Variants in ZNF695 observed in about 807,000 individuals in gnomAD.
ZNF695 encodes zinc finger protein 695, also known as zinc finger protein SBZF3.
ZNF695 carries 11 observed loss-of-function variants against 11.2 expected under a neutral mutation model. The observed-to-expected ratio is 0.98, with a 90% CI of 0.62 to 1.62. The LOEUF is 1.62. ZNF695 is among the 40% of genes most tolerant of loss of function. The probability of loss-of-function intolerance (pLI) is 0.00; values close to 1 mark genes in which losing one functional copy is unlikely to be tolerated. For missense variants in ZNF695, 559 were observed against 590.5 expected (o/e 0.95, Z 0.55); for synonymous variants, 190 against 201.4 (o/e 0.94, Z 0.48).
At chr1:246,945,811 T>A in exon 6 of ZNF695, 1 of 1,550,146 alleles carries the variant, frequency 6.5e-7, no homozygotes, top group Non-Finnish European at 8.7e-7. Context: ...AGCAGCTCGA[T>A]GGTCGACGAC....
chr1:246,978,102 T>C (rs940595945), intron 4 of ZNF695, among the ~76,000 whole-genome samples: 10 of 152,350 alleles, frequency 6.6e-5, no homozygotes, highest in Admixed American at 2.0e-4. Context: ...AACATTTCTC[T>C]GTAGCAGAAC....
chr1:246,956,682 A>G (rs1189031809), intron 5 of ZNF695, among the ~76,000 whole-genome samples: 1 of 152,146 alleles, frequency 6.6e-6, no homozygotes, highest in Non-Finnish European at 1.5e-5. Flanking sequence ...ATTCTATGTT[A>G]TTAGATATCA....
intron 5 of ZNF695, among the ~76,000 whole-genome samples, chr1:246,962,692 CTTTCTT>C: frequency 1.3e-5 from 2 of 151,256 alleles, no homozygotes; most frequent in South Asian, 4.2e-4. Context: ...AGCTTGAAAC[CTTTCTT>C]TTTTTTTTTT....
At chr1:247,000,592 C>A (rs1211519211) in intron 1 of ZNF695, among the ~76,000 whole-genome samples, 1 of 152,218 alleles carries the variant, frequency 6.6e-6, no homozygotes, top group East Asian at 1.9e-4. Flanking sequence ...GCTTAAGATC[C>A]ATGAAACCAG....
exon 6 of ZNF695, chr1:246,945,793 G>T (rs1479276886): frequency 6.5e-7 from 1 of 1,550,150 alleles, no homozygotes; most frequent in Non-Finnish European, 8.7e-7. Flanking sequence ...CCTCCGCAGG[G>T]TCTTCAAAGC....
chr1:246,945,686 T>A, exon 6 of ZNF695: 1 of 1,066,050 alleles, frequency 9.4e-7, no homozygotes, highest in Non-Finnish European at 1.4e-6. Flanking sequence ...GTGGGAGGCA[T>A]GTTTTAATTC....
At chr1:246,964,874 CA>C (rs55956626) in intron 5 of ZNF695, among the ~76,000 whole-genome samples, 11 of 150,788 alleles carry the variant, frequency 7.3e-5, no homozygotes, top group Non-Finnish European at 1.6e-4. Context: ...GACTCTGTCT[CA>C]AAAAAAAATT....
chr1:247,003,261 C>T (rs976055743), intron 1 of ZNF695, among the ~76,000 whole-genome samples: 2 of 152,180 alleles, frequency 1.3e-5, no homozygotes, highest in Admixed American at 6.6e-5. Context: ...TACATGAACA[C>T]CAGGGAATGC....
At chr1:246,958,122 G>A (rs1288323769) in intron 5 of ZNF695, among the ~76,000 whole-genome samples, 3 of 151,092 alleles carry the variant, frequency 2.0e-5, no homozygotes, top group South Asian at 2.1e-4. Flanking sequence ...GCAGTGGCGC[G>A]ATCTCGGCTC....
In ZNF695 at chr1:247,000,037, G is replaced by A. The variant is rs1339632195; in HGVS notation, c.41C>T (p.Ser14Phe). 3 of 1,611,870 alleles carry A rather than the reference G, an allele frequency of 1.9e-6. No homozygotes were observed. Among genetic ancestry groups the A allele is most frequent in the Non-Finnish European group, 1.7e-6 (2 of 1,179,496 alleles). ...LAFRDVALEF[S>F]PEEWECLDPA... ...GTCCAGGCATTCCCACTCCTCTGGAGAGAATTCTAGAGCCACATCCCTGAA... is the reference window on the plus strand; with the variant it reads ...GTCCAGGCATTCCCACTCCTCTGGAAAGAATTCTAGAGCCACATCCCTGAA... Residue 14 changes from serine (S) to phenylalanine (F), a missense_variant, in exon 2 of 4, where the codon TCT becomes TTT. Coordinates refer to ENST00000339986, the MANE Select transcript of ZNF695 (RefSeq NM_020394.5).
intron 4 of ZNF695, among the ~76,000 whole-genome samples, chr1:246,972,798 G>C (rs56668948): frequency 1.3e-5 from 2 of 151,922 alleles, no homozygotes; most frequent in Admixed American, 1.3e-4. Context: ...GATTGCAGGC[G>C]TGAGCCACTG....
chr1:247,002,607 G>A (rs755845317), intron 1 of ZNF695, among the ~76,000 whole-genome samples: 1 of 152,262 alleles, frequency 6.6e-6, no homozygotes, highest in Non-Finnish European at 1.5e-5. Context: ...CCAACATGGC[G>A]AAACCCCATC....
At chr1:246,993,674 G>A (rs749923901) in intron 3 of ZNF695, among the ~76,000 whole-genome samples, 1 of 151,920 alleles carries the variant, frequency 6.6e-6, no homozygotes, top group Non-Finnish European at 1.5e-5. Flanking sequence ...CTAAAGAAAT[G>A]GAGATATATA....
rs567244769 is a variant in ZNF695 at position 246,998,718 on chromosome 1, G to A, written c.259+630C>T. 1.9e-3 allele frequency among the ~76,000 whole-genome samples: 285 copies of A among 152,134 alleles called. 1 individual carries two copies. The highest frequency in any genetic ancestry group is 2.4e-3 in the Non-Finnish European group (160 of 67,990). On this transcript the variant is annotated intron_variant, in intron 3 of 3. Coordinates refer to ENST00000339986, the MANE Select transcript of ZNF695 (RefSeq NM_020394.5). ...CGCGGTGGCTCACGCCTGTAATCCC[G>A]GCACTTTGGGAGGCCGAGGCAGGTG...
At chr1:246,964,494 G>C (rs1668238915) in intron 5 of ZNF695, among the ~76,000 whole-genome samples, 1 of 152,218 alleles carries the variant, frequency 6.6e-6, no homozygotes, top group African/African-American at 2.4e-5. Flanking sequence ...GGAAATTAAA[G>C]GGTTTTAGGA....
At chr1:246,962,648 T>G (rs1421038388) in intron 5 of ZNF695, among the ~76,000 whole-genome samples, 1 of 151,852 alleles carries the variant, frequency 6.6e-6, no homozygotes, top group Non-Finnish European at 1.5e-5. Context: ...ATTACTAACA[T>G]CAGATTTCAT....
chr1:246,987,314 T>A lies in ZNF695; in HGVS notation c.1201A>T (p.Ile401Phe), dbSNP rs780316860. 67 of 1,613,834 alleles carry A rather than the reference T, an allele frequency of 4.2e-5. No homozygotes were observed. The Middle Eastern group carries it at 4.9e-4, about 12-fold the overall frequency. Residue 401 changes from isoleucine (I) to phenylalanine (F), a missense_variant, in exon 4 of 4, where the codon ATT becomes TTT. Coordinates refer to ENST00000339986, the MANE Select transcript of ZNF695 (RefSeq NM_020394.5). ...TTGTAGGGTTTCTGCCCAGTATGAA[T>A]TCTCTTATGCTGAATAAGGTATGAG... The part of the protein sequence containing the change: ...WFSYLIQHKR[I>F]HTGQKPYKCE...
At chr1:246,964,285 G>A (rs1572510116) in intron 5 of ZNF695, among the ~76,000 whole-genome samples, 1 of 152,080 alleles carries the variant, frequency 6.6e-6, no homozygotes, top group Admixed American at 6.6e-5. Context: ...GAGCTGAGCT[G>A]AAAGTTCCAA....
chr1:246,980,425 T>C (rs1668677637), downstream of ZNF695, among the ~76,000 whole-genome samples: 1 of 150,994 alleles, frequency 6.6e-6, no homozygotes, highest in Admixed American at 6.6e-5. Flanking sequence ...CACTTTTTTT[T>C]TTTTTTTTTG....
Sources: gnomAD v4.1 joint callset for allele counts (sites outside exome capture counted in the v4.1 genomes callset) on GRCh38, gnomAD v4.1.1 for gene constraint, MANE v1.5 for transcripts, NCBI Gene and HGNC (gene_info 2026-07-23, HGNC 2026-07-21) for gene names.